Variants in LIN52 observed in about 807,000 individuals in gnomAD.
LIN52 encodes protein lin-52 homolog.
A neutral mutation model predicts 18.5 loss-of-function variants in LIN52; 4 were observed. The ratio of observed to expected loss-of-function variants is 0.22; its 90% CI spans 0.11 to 0.49. The LOEUF is 0.49. Ranked by LOEUF, LIN52 falls within the 20% of genes least tolerant of loss-of-function variation. The probability of loss-of-function intolerance (pLI) is 0.97; values close to 1 mark genes in which losing one functional copy is unlikely to be tolerated. For missense variants in LIN52, 102 were observed against 139.5 expected, an observed-to-expected ratio of 0.73 and a Z score of 1.35; for synonymous variants, 34 against 45.5, an observed-to-expected ratio of 0.75 and a Z score of 1.02.
intron 5 of LIN52, among the ~76,000 whole-genome samples, chr14:74,198,426 G>A (rs2078928014): frequency 6.6e-6 from 1 of 152,070 alleles, no homozygotes. Flanking sequence ...CTGCACTGAG[G>A]GAATATAAAC....
At chr14:74,180,914 G>T (rs1358076666) in intron 5 of LIN52, among the ~76,000 whole-genome samples, 2 of 152,060 alleles carry the variant, frequency 1.3e-5, no homozygotes, top group Non-Finnish European at 2.9e-5. Flanking sequence ...TTCAAGACCA[G>T]CCTGAGCAAC....
intron 5 of LIN52, among the ~76,000 whole-genome samples, chr14:74,178,460 A>T (rs557174470): frequency 5.0e-5 from 7 of 141,402 alleles, no homozygotes; most frequent in African/African-American, 7.8e-5. Context: ...TATTAAAATA[A>T]TTTTTTTTTT....
rs1272385619 is a variant in LIN52 at position 74,200,390 on chromosome 14, G to T, written c.*1413G>T. Reference sequence around the variant, plus strand: ...ATTATGCCACTGCACTCCAGCCTGGGCAACAGAGTGAGACTCTGTCTCAGA... The same window carrying T: ...ATTATGCCACTGCACTCCAGCCTGGTCAACAGAGTGAGACTCTGTCTCAGA... On this transcript the variant is annotated 3_prime_UTR_variant, in exon 6 of 6. Transcript: ENST00000555028. 1.4e-5 allele frequency: 2 copies of T among 139,540 alleles called. No homozygotes were observed. 8.6% of individuals were successfully genotyped at this position (139,540 alleles called of 1,614,324 possible). A position where few individuals can be genotyped will look rare whatever the true frequency, so the allele number is the denominator to read the frequency against.
rs75949253 is a variant in LIN52 at position 74,115,693 on chromosome 14, A to G, written c.283+14455A>G. On this transcript the variant is annotated intron_variant, in intron 5 of 5. Transcript: ENST00000555028. ...TTTATTTTTTGAAATGTTTTATGAT[A>G]ATGTGAAGTAAACCATGCCATTATT... 4.7e-3 allele frequency among the ~76,000 whole-genome samples: 715 copies of G among 152,330 alleles called. 2 individuals carry two copies. The highest frequency in any genetic ancestry group is 0.015 in the African/African-American group (605 of 41,574).
intron 5 of LIN52, chr14:74,114,458 T>A (rs916026674): frequency 2.1e-4 from 209 of 984,274 alleles, no homozygotes; most frequent in Non-Finnish European, 2.4e-4. Flanking sequence ...GACAATAGAT[T>A]TTTCAGATTT....
chr14:74,095,350 G>A (rs1317906644), intron 2 of LIN52, among the ~76,000 whole-genome samples: 1 of 151,722 alleles, frequency 6.6e-6, no homozygotes, highest in Non-Finnish European at 1.5e-5. Flanking sequence ...GCCCAGGCTG[G>A]TCTCCAACTC....
At chr14:74,115,640 T>A (rs968900072) in intron 5 of LIN52, among the ~76,000 whole-genome samples, 1 of 152,254 alleles carries the variant, frequency 6.6e-6, no homozygotes, top group African/African-American at 2.4e-5. Flanking sequence ...TATTCTTAAT[T>A]AGAAATTGTC....
At chr14:74,177,019 A>G (rs2139580942) in intron 5 of LIN52, among the ~76,000 whole-genome samples, 1 of 148,820 alleles carries the variant, frequency 6.7e-6, no homozygotes, top group Admixed American at 6.7e-5. Context: ...TTTTTTTGAG[A>G]CTGAGTTTCC....
intron 5 of LIN52, among the ~76,000 whole-genome samples, chr14:74,160,204 G>A (rs1424929275): frequency 6.6e-6 from 1 of 152,166 alleles, no homozygotes; most frequent in Non-Finnish European, 1.5e-5. Context: ...CATGCATAGA[G>A]GGAAGACAGT....
At chr14:74,120,772 A>G (rs2060994777) in intron 5 of LIN52, among the ~76,000 whole-genome samples, 1 of 150,926 alleles carries the variant, frequency 6.6e-6, no homozygotes, top group Non-Finnish European at 1.5e-5. Flanking sequence ...AAAAAAAAAA[A>G]TTAGCTGGGC....
chr14:74,196,463 C>G (rs1399664750), intron 5 of LIN52, among the ~76,000 whole-genome samples: 1 of 152,126 alleles, frequency 6.6e-6, no homozygotes, highest in Non-Finnish European at 1.5e-5. Flanking sequence ...TCTATTCTCT[C>G]CAGAAGACTT....
chr14:74,103,977 C>T (rs1382983772), intron 5 of LIN52, among the ~76,000 whole-genome samples: 4 of 150,892 alleles, frequency 2.7e-5, no homozygotes, highest in African/African-American at 7.3e-5. Flanking sequence ...TGGCTCACTG[C>T]AACCTCCGCC....
At chr14:74,177,286 C>A (rs1407628246) in intron 5 of LIN52, among the ~76,000 whole-genome samples, 1 of 152,324 alleles carries the variant, frequency 6.6e-6, no homozygotes, top group East Asian at 1.9e-4. Context: ...GTGTGACCTA[C>A]TGCGCCCGGC....
chr14:74,123,828 G>A (rs903618376), intron 5 of LIN52, among the ~76,000 whole-genome samples: 1 of 152,148 alleles, frequency 6.6e-6, no homozygotes, highest in African/African-American at 2.4e-5. Context: ...ATTGCCATGT[G>A]AGTATAAAGA....
At chr14:74,109,017 A>G (rs544976915) in intron 5 of LIN52, among the ~76,000 whole-genome samples, 1 of 152,254 alleles carries the variant, frequency 6.6e-6, no homozygotes, top group East Asian at 1.9e-4. Flanking sequence ...TTTTCTTTTA[A>G]GAGTTTTATA....
At chr14:74,145,205 G>A (rs1277651491) in intron 5 of LIN52, among the ~76,000 whole-genome samples, 7 of 152,296 alleles carry the variant, frequency 4.6e-5, no homozygotes, top group African/African-American at 1.4e-4. Flanking sequence ...TTGACTAAAT[G>A]TATGAAAACT....
chr14:74,140,628 A>G (rs1391899983), intron 5 of LIN52, among the ~76,000 whole-genome samples: 1 of 152,162 alleles, frequency 6.6e-6, no homozygotes, highest in East Asian at 1.9e-4. Context: ...TCCGTCACGA[A>G]AAGGGAAATC....
chr14:74,147,266 C>T (rs760440557), intron 5 of LIN52, among the ~76,000 whole-genome samples: 1 of 151,972 alleles, frequency 6.6e-6, no homozygotes, highest in African/African-American at 2.4e-5. Flanking sequence ...CTCAAACAAA[C>T]AAAATATCCA....
intron 5 of LIN52, among the ~76,000 whole-genome samples, chr14:74,169,788 T>C (rs2061263214): frequency 6.6e-6 from 1 of 152,230 alleles, no homozygotes; most frequent in South Asian, 2.1e-4. Context: ...TATTAGATTC[T>C]AGGATCTCAA....
Sources: allele counts gnomAD v4.1 joint callset (sites outside exome capture counted in the v4.1 genomes callset), GRCh38; gene constraint gnomAD v4.1.1; transcripts MANE v1.5; gene names NCBI Gene and HGNC (gene_info 2026-07-23, HGNC 2026-07-21).